TRIM44: variants seen among roughly 807,000 people sequenced by gnomAD.
TRIM44 encodes tripartite motif containing 44, also known as tripartite motif-containing protein 44.
A neutral mutation model predicts 37.4 loss-of-function variants in TRIM44; 13 were observed. The observed-to-expected ratio is 0.35, with a 90% CI of 0.23 to 0.55. The LOEUF is 0.55. TRIM44 is among the 20% of genes least tolerant of loss of function. TRIM44 has a pLI of 0.89. For missense variants in TRIM44, 426 were observed against 437.2 expected (o/e 0.97, Z 0.23); for synonymous variants, 175 against 157.2 (o/e 1.11, Z -0.85).
At chr11:35,687,960 G>A (rs1851599976) in intron 2 of TRIM44, among the ~76,000 whole-genome samples, 1 of 152,092 alleles carries the variant, frequency 6.6e-6, no homozygotes, top group African/African-American at 2.4e-5. Flanking sequence ...AAGGGTGAAC[G>A]TAATTGCAGA....
At chr11:35,770,767 G>GA (rs1217492183) in intron 4 of TRIM44, among the ~76,000 whole-genome samples, 12 of 152,192 alleles carry the variant, frequency 7.9e-5, no homozygotes, top group Non-Finnish European at 1.8e-4. Flanking sequence ...TTGTAGGAGG[G>GA]ACCCAGTGGG....
rs59693919 is a variant in TRIM44, at chr11:35,704,094, C to T, written c.747+18758C>T. On this transcript the variant is annotated intron_variant, in intron 2 of 4. Transcript: ENST00000299413. ...GCTGATGGAGCTGAAAGCCAAGGCT[C>T]GAGAACTACGTGAAGAATGCAGAAG... Among the ~76,000 whole-genome samples the T allele has an allele frequency of 8.3e-3, 1,267 of 152,068 alleles. 16 individuals are homozygous for T. The highest frequency in any genetic ancestry group is 0.028 in the African/African-American group (1,174 of 41,468).
At chr11:35,714,119 C>T (rs923718563) in intron 2 of TRIM44, among the ~76,000 whole-genome samples, 3 of 152,126 alleles carry the variant, frequency 2.0e-5, no homozygotes, top group Non-Finnish European at 2.9e-5. Flanking sequence ...CTCCCAAGGG[C>T]ATAGGCTCCC....
intron 4 of TRIM44, among the ~76,000 whole-genome samples, chr11:35,757,058 T>C (rs1316277973): frequency 1.3e-5 from 2 of 152,214 alleles, no homozygotes; most frequent in African/African-American, 2.4e-5. Context: ...TTTCTGTTGA[T>C]TGGAATAGTT....
chr11:35,776,009 C>T (rs1428853776), intron 4 of TRIM44, among the ~76,000 whole-genome samples: 1 of 152,138 alleles, frequency 6.6e-6, no homozygotes, highest in East Asian at 1.9e-4. Context: ...AGGATTCCCT[C>T]TCTTTTTATT....
At chr11:35,779,946 T>C (rs1853039138) in intron 4 of TRIM44, among the ~76,000 whole-genome samples, 1 of 151,838 alleles carries the variant, frequency 6.6e-6, no homozygotes, top group Non-Finnish European at 1.5e-5. Context: ...GGGTTCTCTA[T>C]TCTGTTCCAT....
At chr11:35,774,244 G>A (rs866449690) in intron 4 of TRIM44, among the ~76,000 whole-genome samples, 2 of 152,080 alleles carry the variant, frequency 1.3e-5, no homozygotes, top group East Asian at 1.9e-4. Flanking sequence ...ATTTTTTCAC[G>A]TGTCTGTTGG....
intron 4 of TRIM44, among the ~76,000 whole-genome samples, chr11:35,793,670 A>G (rs772622387): frequency 3.3e-5 from 5 of 152,164 alleles, no homozygotes; most frequent in Non-Finnish European, 7.4e-5. Flanking sequence ...CTCCTCTGCT[A>G]CTAGTAATGA....
chr11:35,779,891 A>G (rs1359131206), intron 4 of TRIM44, among the ~76,000 whole-genome samples: 2 of 67,952 alleles, frequency 2.9e-5, no homozygotes, highest in South Asian at 1.0e-3. Flanking sequence ...TTTTTTTTTT[A>G]CTTTGTCAAA....
chr11:35,709,576 A>T (rs1851940209), intron 2 of TRIM44, among the ~76,000 whole-genome samples: 1 of 152,148 alleles, frequency 6.6e-6, no homozygotes, highest in Non-Finnish European at 1.5e-5. Flanking sequence ...CCATTCCTGG[A>T]CCCAGCCCAG....
At chr11:35,724,861 A>C (rs1019963907) in intron 2 of TRIM44, among the ~76,000 whole-genome samples, 1 of 152,216 alleles carries the variant, frequency 6.6e-6, no homozygotes, top group African/African-American at 2.4e-5. Flanking sequence ...CTTTCTCAGA[A>C]GGCACCTTGG....
rs1853451240 is a variant in TRIM44 at position 35,806,501 on chromosome 11, G to A, written c.*116G>A. 29 of 1,131,134 alleles carry A rather than the reference G, an allele frequency of 2.6e-5. No homozygotes were observed. The highest frequency in any genetic ancestry group is 3.9e-5 in the Non-Finnish European group (29 of 747,974). The allele number at this position is 1,131,134 out of a possible 1,614,324, so 70.1% of individuals were successfully genotyped here. On this transcript the variant is annotated 3_prime_UTR_variant, in exon 5 of 5. Transcript: ENST00000299413. ...CTCAGCAACAAACGTACTTCCACCA[G>A]ATGTGTCCCCAGATCCACAGCAGGC...
intron 4 of TRIM44, among the ~76,000 whole-genome samples, chr11:35,761,024 A>G (rs1416488113): frequency 6.6e-6 from 1 of 152,104 alleles, no homozygotes; most frequent in African/African-American, 2.4e-5. Flanking sequence ...TAGATTCCAC[A>G]TATTAGTAAG....
intron 1 of TRIM44, among the ~76,000 whole-genome samples, chr11:35,665,924 A>G (rs893797528): frequency 2.6e-5 from 4 of 151,190 alleles, no homozygotes; most frequent in African/African-American, 9.7e-5. Flanking sequence ...TGTTCTTTCT[A>G]TGTGGGTTGC....
intron 2 of TRIM44, among the ~76,000 whole-genome samples, chr11:35,707,492 A>T (rs768962268): frequency 6.6e-6 from 1 of 152,224 alleles, no homozygotes; most frequent in Non-Finnish European, 1.5e-5. Context: ...TGGAGGTGTC[A>T]TGCTACCTGA....
At chr11:35,799,320 G>T (rs1188252367) in intron 4 of TRIM44, among the ~76,000 whole-genome samples, 1 of 152,212 alleles carries the variant, frequency 6.6e-6, no homozygotes, top group African/African-American at 2.4e-5. Context: ...TGTGGTCAGA[G>T]TGTGGGCCTG....
chr11:35,735,939 GT>G (rs1313540086), intron 4 of TRIM44, among the ~76,000 whole-genome samples: 1 of 152,024 alleles, frequency 6.6e-6, no homozygotes, highest in Non-Finnish European at 1.5e-5. Context: ...AAAAAAAAAT[GT>G]TCTTTGTGCT....
chr11:35,671,247 T>TA (rs1851390383), intron 1 of TRIM44, among the ~76,000 whole-genome samples: 4 of 152,188 alleles, frequency 2.6e-5, no homozygotes. Context: ...AAGTAAAACA[T>TA]AATACAGGAT....
chr11:35,664,613 A>G (rs1851312053), intron 1 of TRIM44, among the ~76,000 whole-genome samples: 1 of 152,208 alleles, frequency 6.6e-6, no homozygotes, highest in Middle Eastern at 3.2e-3. Flanking sequence ...GCTTCCCTGA[A>G]TAGGGAATAG....
Sources: allele counts gnomAD v4.1 joint callset (sites outside exome capture counted in the v4.1 genomes callset), GRCh38; gene constraint gnomAD v4.1.1; transcripts MANE v1.5; gene names NCBI Gene and HGNC (gene_info 2026-07-23, HGNC 2026-07-21).